The following FMN2 variants were observed in gnomAD, a reference collection of about 807,000 sequenced individuals.
FMN2 encodes the protein formin 2.
In FMN2, 51 loss-of-function variants were observed where a neutral mutation model predicts 142.3. The ratio of observed to expected loss-of-function variants is 0.36; its 90% CI spans 0.29 to 0.45. FMN2 has a LOEUF of 0.45. Among genes scored for constraint, FMN2 ranks in the 20% least tolerant of loss-of-function variants. FMN2 has a pLI of 1.00. For synonymous variants in FMN2, 882 were observed against 869.8 expected, an observed-to-expected ratio of 1.01 and a Z score of -0.25; for missense variants, 1,936 against 2,122.8, an observed-to-expected ratio of 0.91 and a Z score of 1.73.
intron 15 of FMN2, among the ~76,000 whole-genome samples, chr1:240,420,237 T>C (rs1674716926): frequency 6.6e-6 from 1 of 152,160 alleles, no homozygotes; most frequent in South Asian, 2.1e-4. Flanking sequence ...GATAATCCTT[T>C]GCTCAGTTTT....
chr1:240,411,275 A>C (rs1037656571), intron 15 of FMN2, among the ~76,000 whole-genome samples: 2 of 152,198 alleles, frequency 1.3e-5, no homozygotes, highest in Non-Finnish European at 2.9e-5. Context: ...TGCTTTTAAG[A>C]AGTCTAACTA....
chr1:240,412,129 A>G (rs952820348), intron 15 of FMN2, among the ~76,000 whole-genome samples: 14 of 152,320 alleles, frequency 9.2e-5, no homozygotes, highest in Admixed American at 3.3e-4. Flanking sequence ...GCCAATTCAA[A>G]GTGAAAAGGG....
In FMN2 at chr1:240,208,626, T is replaced by C. The variant is rs1442342325; in HGVS notation, c.3814T>C (p.Phe1272Leu). The C allele has an allele frequency of 6.2e-7, 1 of 1,613,780 alleles. No homozygotes were observed. Among genetic ancestry groups the C allele is most frequent in the Non-Finnish European group, 8.5e-7 (1 of 1,180,008 alleles). The change falls in exon 5 of 18, where the codon TTT becomes CTT. Residue 1272 changes from phenylalanine (F) to leucine (L), a missense_variant. Coordinates refer to ENST00000319653, the MANE Select transcript of FMN2 (RefSeq NM_020066.5). ...FLPPPLPSGL[F>L]GLGMNQDKGS... ...TCCTCCTCCATTGCCAAGTGGCTTG[T>C]TTGGATTAGGGATGAATCAGGACAA...
At chr1:240,466,030 A>G (rs994484262) in intron 16 of FMN2, among the ~76,000 whole-genome samples, 2 of 152,228 alleles carry the variant, frequency 1.3e-5, no homozygotes, top group Admixed American at 1.3e-4. Flanking sequence ...GAGAGAAATG[A>G]GAAACTGCTG....
In FMN2 at chr1:240,092,330, T is replaced by C. The variant is rs1424080981; in HGVS notation, c.221T>C (p.Val74Ala). 5 of 1,607,632 alleles carry C rather than the reference T, an allele frequency of 3.1e-6. No homozygotes were observed. Among genetic ancestry groups the C allele is most frequent in the African/African-American group, 1.3e-5 (1 of 74,750 alleles). Residue 74 changes from valine (V) to alanine (A), a missense_variant, in exon 1 of 18, where the codon GTG (valine) becomes GCG (alanine). Around this residue, in one of 8 missense-constraint regions of FMN2, gnomAD observed 751 missense variants for 791.8 expected, o/e 0.95. Coordinates refer to ENST00000319653, the MANE Select transcript of FMN2 (RefSeq NM_020066.5). ...AGCAAGTCCGACTCCAGAGCCTCGG[T>C]GTTTTCCAACCTGCGGATCAGGAAG... ...KKSKSDSRAS[V>A]FSNLRIRKNL...
At chr1:240,235,223 A>G (rs1026781723) in intron 6 of FMN2, among the ~76,000 whole-genome samples, 25 of 152,316 alleles carry the variant, frequency 1.6e-4, no homozygotes, top group Middle Eastern at 6.8e-3. Flanking sequence ...CTTTCTGTCC[A>G]GGGTATCCTC....
intron 14 of FMN2, among the ~76,000 whole-genome samples, chr1:240,382,418 T>A (rs1035108609): frequency 5.9e-5 from 9 of 152,104 alleles, no homozygotes; most frequent in Non-Finnish European, 1.3e-4. Flanking sequence ...CCCAGCACTT[T>A]GGGAGGTCAA....
At chr1:240,147,738 A>T (rs1296383651) in intron 2 of FMN2, among the ~76,000 whole-genome samples, 1 of 152,100 alleles carries the variant, frequency 6.6e-6, no homozygotes, top group Non-Finnish European at 1.5e-5. Context: ...CTTATTTATG[A>T]CCTACAGGGA....
intron 14 of FMN2, among the ~76,000 whole-genome samples, chr1:240,367,850 T>G (rs1394772827): frequency 6.6e-6 from 1 of 151,994 alleles, no homozygotes; most frequent in African/African-American, 2.4e-5. Context: ...CCAAGAAAAT[T>G]TTATAGTTTT....
intron 16 of FMN2, among the ~76,000 whole-genome samples, chr1:240,453,082 C>T (rs1296311351): frequency 4.6e-5 from 7 of 152,120 alleles, no homozygotes; most frequent in African/African-American, 7.2e-5. Context: ...AGGTACTATA[C>T]GCACCCAATT....
chr1:240,257,822 C>G (rs1458446429), intron 6 of FMN2, 123 bp from the exon 7 acceptor site: 2 of 772,026 alleles, frequency 2.6e-6, no homozygotes, highest in Non-Finnish European at 4.3e-6. Context: ...GTTTTGAATA[C>G]TTTAGGTAAT....
Position 240,347,583 on chromosome 1 carries a change from C to T in FMN2, c.4766-8233C>T, listed in dbSNP as rs560885210. Among the ~76,000 whole-genome samples, 55 of 152,186 alleles carry T rather than the reference C, an allele frequency of 3.6e-4. No homozygotes were observed. The South Asian group carries it at 0.01, about 28-fold the overall frequency. ...AACTTTTATTTTAGAATCGGGGGTA[C>T]ATGTGCCTTTTTGTTACAAAGATGC... On this transcript the variant is annotated intron_variant, in intron 13 of 17. Transcript: ENST00000319653.
chr1:240,396,243 A>G (rs1035026155), intron 15 of FMN2, among the ~76,000 whole-genome samples: 1 of 151,980 alleles, frequency 6.6e-6, no homozygotes, highest in Admixed American at 6.6e-5. Context: ...ACTCTATTAC[A>G]ATATTCATTC....
Position 240,331,513 on chromosome 1 carries a change from T to G in FMN2, c.4584+764T>G, listed in dbSNP as rs1328377777. Among the ~76,000 whole-genome samples the G allele has an allele frequency of 2.0e-5, 3 of 152,152 alleles. No homozygotes were observed. In the East Asian group the frequency reaches 5.8e-4, roughly 29 times the overall value. ...TAGGATAAAGGAAATTCTGGACATG[T>G]TTTTGAAATATTAAGTTTAATAATT... On this transcript the variant is annotated intron_variant, in intron 11 of 17. Coordinates refer to ENST00000319653, the MANE Select transcript of FMN2 (RefSeq NM_020066.5).
At chr1:240,317,238 C>A (rs559745917) in intron 8 of FMN2, among the ~76,000 whole-genome samples, 46 of 152,048 alleles carry the variant, frequency 3.0e-4, no homozygotes, top group Non-Finnish European at 5.7e-4. Flanking sequence ...ATTGCTTGAA[C>A]CCAGGAGGCA....
chr1:240,362,111 T>C (rs1672507261), intron 14 of FMN2, among the ~76,000 whole-genome samples: 1 of 152,168 alleles, frequency 6.6e-6, no homozygotes, highest in Non-Finnish European at 1.5e-5. Context: ...AGACGCTGAT[T>C]TTCTGAGCTT....
chr1:240,163,170 A>G (rs1006825326), intron 2 of FMN2, among the ~76,000 whole-genome samples: 5 of 152,142 alleles, frequency 3.3e-5, no homozygotes, highest in African/African-American at 1.2e-4. Flanking sequence ...AGCTTTCATC[A>G]GTGTGCTGTG....
chr1:240,239,889 C>A (rs1456645), intron 6 of FMN2, among the ~76,000 whole-genome samples: 108,024 of 152,108 alleles, frequency 0.71, 39,222 homozygotes, highest in African/African-American at 0.81. Flanking sequence ...ATCTAAATTT[C>A]TCATAGGCAT....
intron 3 of FMN2, among the ~76,000 whole-genome samples, chr1:240,186,671 G>A (rs969311113): frequency 3.9e-5 from 6 of 152,100 alleles, no homozygotes; most frequent in East Asian, 1.9e-4. Context: ...TGGCTTTGGC[G>A]GCCCTATGGA....
Sources: allele counts gnomAD v4.1 joint callset (sites outside exome capture counted in the v4.1 genomes callset), GRCh38; gene constraint gnomAD v4.1.1; regional missense constraint gnomAD v4.1.1; transcripts MANE v1.5; gene names NCBI Gene and HGNC (gene_info 2026-07-23, HGNC 2026-07-21).